The following LRRC39 variants were observed in gnomAD, a reference collection of about 807,000 sequenced individuals.
LRRC39 encodes the protein leucine-rich repeat-containing protein 39.
LRRC39 carries 35 observed loss-of-function variants against 39.7 expected under a neutral mutation model. The ratio of observed to expected loss-of-function variants is 0.88; its 90% CI spans 0.67 to 1.17. The LOEUF (loss-of-function observed/expected upper bound fraction) is 1.17. Among genes scored for constraint, LRRC39 ranks in the 50% most tolerant of loss-of-function variants. The pLI is 0.00. For missense variants in LRRC39, 357 were observed against 385.8 expected (o/e 0.93, Z 0.62); for synonymous variants, 113 against 134.1 (o/e 0.84, Z 1.09).
upstream of LRRC39, among the ~76,000 whole-genome samples, chr1:100,179,648 G>A (rs1660172251): frequency 1.3e-5 from 2 of 150,622 alleles, no homozygotes; most frequent in South Asian, 4.2e-4. Flanking sequence ...GAGGTGGGAG[G>A]ATACCTTGAG....
chr1:100,178,445 CCTT>C (rs1316753329), upstream of LRRC39, among the ~76,000 whole-genome samples: 6 of 152,254 alleles, frequency 3.9e-5, no homozygotes, highest in South Asian at 1.2e-3. Flanking sequence ...TATTCAAAGT[CCTT>C]CTACTTTTCA....
intron 3 of LRRC39, among the ~76,000 whole-genome samples, chr1:100,167,782 AATAATAATAATAATAATAATAAT>A (rs1659346449): frequency 1.1e-4 from 1 of 9,308 alleles, no homozygotes; most frequent in African/African-American, 6.2e-4. Context: ...TTTCAAAAAT[AATAATAATAATAATAATAATAAT>A]AATAATAATA....
At chr1:100,176,135 AT>A (rs770274723) in intron 1 of LRRC39, among the ~76,000 whole-genome samples, 3 of 152,240 alleles carry the variant, frequency 2.0e-5, no homozygotes, top group Non-Finnish European at 2.9e-5. Context: ...AAGTAAAACA[AT>A]GTTTTAAAAG....
intron 9 of LRRC39, chr1:100,149,336 T>A (rs1657717251): frequency 2.6e-6 from 4 of 1,542,632 alleles, no homozygotes; most frequent in Non-Finnish European, 3.5e-6. Flanking sequence ...ATATTCACAA[T>A]TAATAAACAC....
intron 3 of LRRC39, among the ~76,000 whole-genome samples, chr1:100,168,026 A>G (rs1169978862): frequency 6.6e-6 from 1 of 152,082 alleles, no homozygotes; most frequent in African/African-American, 2.4e-5. Context: ...AGCTCTGGCT[A>G]GAACACATGG....
chr1:100,155,201 A>C lies in LRRC39; in HGVS notation c.662T>G (p.Met221Arg). 6.3e-7 allele frequency: 1 copy of C among 1,576,314 alleles called. No individual in the cohort carries two copies. Among genetic ancestry groups the C allele is most frequent in the Middle Eastern group, 1.7e-4 (1 of 5,818 alleles). Residue 221 changes from methionine (M) to arginine (R), a missense_variant and splice_region_variant, in exon 8 of 10, where the codon ATG (methionine) becomes AGG (arginine). By Grantham distance (91) the Met-to-Arg change is moderately conservative. Coordinates refer to ENST00000370137, the MANE Select transcript of LRRC39 (RefSeq NM_144620.4). The part of the protein sequence containing the change: ...LEQLPDTIER[M>R]QNLHTLWLQR... Reference sequence around the variant, plus strand: ...CAGCCATAACGTATGTAGATTTTGCATTCTGAAAAATTAAGGTTTCTACAA... The same window carrying C: ...CAGCCATAACGTATGTAGATTTTGCCTTCTGAAAAATTAAGGTTTCTACAA...
chr1:100,149,108 C>T lies in LRRC39; in HGVS notation c.953-11G>A, dbSNP rs1366574217. 1.9e-6 allele frequency: 3 copies of T among 1,595,126 alleles called. No homozygotes were observed. Among genetic ancestry groups the T allele is most frequent in the Non-Finnish European group, 2.6e-6 (3 of 1,174,180 alleles). On this transcript the variant is annotated splice_polypyrimidine_tract_variant and intron_variant, in intron 9 of 9. Transcript: ENST00000370137. ...CGTTGACTTGGTGATCTGAAACATA[C>T]ATAACATGTCAACACATAATTAGCG...
chr1:100,156,354 C>T, intron 6 of LRRC39, 37 bp from the exon 7 acceptor site: 1 of 1,572,040 alleles, frequency 6.4e-7, no homozygotes, highest in Non-Finnish European at 8.7e-7. Flanking sequence ...AATAAATGTC[C>T]ACAATGTAAA....
intron 9 of LRRC39, among the ~76,000 whole-genome samples, chr1:100,151,102 C>T (rs1657965763): frequency 7.5e-6 from 1 of 133,112 alleles, no homozygotes; most frequent in South Asian, 2.4e-4. Flanking sequence ...GCACTCTAGC[C>T]TGGGCAACCA....
intron 2 of LRRC39, among the ~76,000 whole-genome samples, chr1:100,169,450 A>G (rs1308139160): frequency 6.6e-6 from 1 of 152,126 alleles, no homozygotes; most frequent in African/African-American, 2.4e-5. Flanking sequence ...ACTTGGTAAT[A>G]CTTACTAAAC....
intron 2 of LRRC39, among the ~76,000 whole-genome samples, chr1:100,168,823 T>TG (rs1374071747): frequency 6.6e-6 from 1 of 152,040 alleles, no homozygotes; most frequent in African/African-American, 2.4e-5. Flanking sequence ...ACAATTTTCT[T>TG]GGGGGTCTCA....
At chr1:100,168,030 C>A (rs1659364656) in intron 3 of LRRC39, among the ~76,000 whole-genome samples, 1 of 151,950 alleles carries the variant, frequency 6.6e-6, no homozygotes, top group African/African-American at 2.4e-5. Context: ...CTGGCTAGAA[C>A]ACATGGCTAT....
At chr1:100,166,489 T>C (rs570224801) in intron 3 of LRRC39, among the ~76,000 whole-genome samples, 1 of 152,286 alleles carries the variant, frequency 6.6e-6, no homozygotes, top group Non-Finnish European at 1.5e-5. Context: ...TGTTGGGAAC[T>C]GGAGTAAAGG....
intron 9 of LRRC39, chr1:100,150,525 T>C (rs1355314412): frequency 6.6e-6 from 1 of 152,222 alleles, no homozygotes; most frequent in African/African-American, 2.4e-5. Flanking sequence ...TGATAAAATA[T>C]ACATACACAC....
intron 2 of LRRC39, among the ~76,000 whole-genome samples, chr1:100,172,059 CAT>C (rs970630094): frequency 5.9e-5 from 9 of 152,180 alleles, no homozygotes; most frequent in East Asian, 5.8e-4. Context: ...TAAACACACA[CAT>C]GTATAAAATT....
chr1:100,159,294 G>A lies in LRRC39; in HGVS notation c.341C>T (p.Ser114Phe). The A allele has an allele frequency of 1.2e-6, 2 of 1,607,216 alleles. No homozygotes were observed. The highest frequency in any genetic ancestry group is 1.7e-4 in the Middle Eastern group (1 of 6,042). The change falls in exon 5 of 10, where the codon TCT becomes TTT. Residue 114 changes from serine (S) to phenylalanine (F), a missense_variant. By Grantham distance (155) the Ser-to-Phe change is radical (BLOSUM62 -2). Transcript: ENST00000370137. Reference sequence around the variant, plus strand: ...TGGTATCTCTGAAATTGTGTTTCGAGATAAATCTAACACAATGAGGTTCTG... The same window carrying A: ...TGGTATCTCTGAAATTGTGTTTCGAAATAAATCTAACACAATGAGGTTCTG... ...RFQNLIVLDL[S>F]RNTISEIPPG...
intron 6 of LRRC39, among the ~76,000 whole-genome samples, chr1:100,157,714 C>A (rs1324585928): frequency 6.6e-6 from 1 of 152,122 alleles, no homozygotes. Context: ...GTTTTCAAAG[C>A]CAAAGCACCA....
chr1:100,155,005 C>A, intron 8 of LRRC39, 46 bp downstream of exon 8: 1 of 1,509,648 alleles, frequency 6.6e-7, no homozygotes, highest in Non-Finnish European at 8.8e-7. Flanking sequence ...TTTCTGTAGC[C>A]AGAAAGAAAG....
At chr1:100,169,852 T>C (rs886193886) in intron 2 of LRRC39, among the ~76,000 whole-genome samples, 7 of 152,186 alleles carry the variant, frequency 4.6e-5, no homozygotes, top group Admixed American at 4.6e-4. Flanking sequence ...AATGTTCCAA[T>C]TTATAAGTCA....
Sources: gnomAD v4.1 joint callset for allele counts (sites outside exome capture counted in the v4.1 genomes callset) on GRCh38, gnomAD v4.1.1 for gene constraint, MANE v1.5 for transcripts, NCBI Gene and HGNC (gene_info 2026-07-23, HGNC 2026-07-21) for gene names.